Variants in PREX2 observed in about 807,000 individuals in gnomAD.
The protein encoded by PREX2 is phosphatidylinositol-3,4,5-trisphosphate dependent Rac exchange factor 2.
Under a neutral mutation model 203.2 loss-of-function variants are expected in PREX2, and 107 were observed. That is an observed-to-expected ratio of 0.53 (90% CI 0.45 to 0.62). The LOEUF (loss-of-function observed/expected upper bound fraction) is 0.62. Among genes scored for constraint, PREX2 ranks in the 20% least tolerant of loss-of-function variants. The probability of loss-of-function intolerance (pLI) is 0.00; values close to 1 mark genes in which losing one functional copy is unlikely to be tolerated. For synonymous variants in PREX2, 672 were observed against 663.6 expected (o/e 1.01, Z -0.19); for missense variants, 1,777 against 1,955.9 (o/e 0.91, Z 1.72).
At position 68,045,114 on chromosome 8, in the gene PREX2, A is replaced by C. The variant is rs559016894; in HGVS notation, c.943+524A>C. 5.3e-5 allele frequency among the ~76,000 whole-genome samples: 8 copies of C among 152,228 alleles called. No homozygotes were observed. The South Asian group carries it at 1.2e-3, about 24-fold the overall frequency. ...TTTAAATATCTTATTACTCAAAGGTAGTAACTTTTTGCTTCATAGATTTGA... is the reference window on the plus strand; with the variant it reads ...TTTAAATATCTTATTACTCAAAGGTCGTAACTTTTTGCTTCATAGATTTGA... On this transcript the variant is annotated intron_variant, in intron 8 of 39. Coordinates refer to ENST00000288368, the MANE Select transcript of PREX2 (RefSeq NM_024870.4).
At chr8:68,100,656 T>G (rs2129612593) in intron 23 of PREX2, among the ~76,000 whole-genome samples, 1 of 152,324 alleles carries the variant, frequency 6.6e-6, no homozygotes, top group Non-Finnish European at 1.5e-5. Context: ...GTGGCCGGGC[T>G]TAAGGTCAGA....
chr8:68,078,302 A>G (rs1460805425), intron 15 of PREX2, among the ~76,000 whole-genome samples: 8 of 152,082 alleles, frequency 5.3e-5, no homozygotes, highest in Non-Finnish European at 1.2e-4. Flanking sequence ...AGTAGCTGGG[A>G]CTACAAGTGC....
chr8:67,966,451 A>G (rs1474404994), intron 1 of PREX2, among the ~76,000 whole-genome samples: 3 of 151,566 alleles, frequency 2.0e-5, no homozygotes, highest in East Asian at 1.9e-4. Flanking sequence ...TCCAAATAAT[A>G]CAGAACTAAA....
intron 4 of PREX2, among the ~76,000 whole-genome samples, chr8:68,024,967 G>A (rs550939470): frequency 6.6e-6 from 1 of 151,870 alleles, no homozygotes; most frequent in East Asian, 1.9e-4. Flanking sequence ...CCTCTACTGT[G>A]CTATTATTGC....
intron 14 of PREX2, among the ~76,000 whole-genome samples, chr8:68,072,862 T>G (rs916624513): frequency 6.6e-6 from 1 of 152,206 alleles, no homozygotes; most frequent in African/African-American, 2.4e-5. Flanking sequence ...CTATGCTCAT[T>G]TACTAAAATA....
intron 37 of PREX2, among the ~76,000 whole-genome samples, chr8:68,206,789 C>G (rs1812634265): frequency 2.0e-5 from 3 of 152,194 alleles, no homozygotes; most frequent in African/African-American, 7.2e-5. Context: ...CTACCCCAGC[C>G]TGGGAGACCC....
chr8:68,092,566 A>C (rs1437605677), intron 20 of PREX2, among the ~76,000 whole-genome samples: 1 of 152,114 alleles, frequency 6.6e-6, no homozygotes, highest in Admixed American at 6.6e-5. Context: ...ACTGCTGTTA[A>C]AATATAGGAT....
chr8:68,189,836 A>T (rs567016496), intron 35 of PREX2, among the ~76,000 whole-genome samples: 9 of 152,186 alleles, frequency 5.9e-5, no homozygotes, highest in Non-Finnish European at 1.3e-4. Context: ...CCAATCTTGG[A>T]TGCTGAGTTG....
chr8:68,128,711 A>G (rs559358510), intron 31 of PREX2, among the ~76,000 whole-genome samples: 3 of 152,284 alleles, frequency 2.0e-5, no homozygotes, highest in Non-Finnish European at 2.9e-5. Flanking sequence ...GCCACCTTCT[A>G]CTGGCCCCAG....
At chr8:68,000,517 A>C (rs937418728) in intron 1 of PREX2, among the ~76,000 whole-genome samples, 1 of 152,238 alleles carries the variant, frequency 6.6e-6, no homozygotes, top group African/African-American at 2.4e-5. Flanking sequence ...AAACGTCCAT[A>C]CTGCCCAAAA....
chr8:68,051,428 A>G (rs1260344014), intron 8 of PREX2, among the ~76,000 whole-genome samples: 1 of 152,144 alleles, frequency 6.6e-6, no homozygotes, highest in Non-Finnish European at 1.5e-5. Context: ...AACAGAGAGA[A>G]GACAGCCTGA....
chr8:68,022,172 GA>G (rs772786466), intron 4 of PREX2, 32 bp downstream of exon 4: 1 of 1,048,488 alleles, frequency 9.5e-7, no homozygotes, highest in East Asian at 2.4e-5. Context: ...ACTGTATGTT[GA>G]TATGTGTTGC....
intron 1 of PREX2, among the ~76,000 whole-genome samples, chr8:67,963,651 C>T (rs1014681106): frequency 2.6e-5 from 4 of 151,724 alleles, no homozygotes; most frequent in African/African-American, 7.3e-5. Context: ...TTAGTTTTTC[C>T]TTTAGAAAAA....
intron 14 of PREX2, among the ~76,000 whole-genome samples, chr8:68,074,268 A>AT: frequency 6.6e-6 from 1 of 151,318 alleles, no homozygotes; most frequent in African/African-American, 2.4e-5. Context: ...CCCAGCCGCA[A>AT]TTTTTTTTTC....
chr8:68,097,066 G>A lies in PREX2; in HGVS notation c.2418G>A (p.Glu806=). ...NTMAIIDGKK[E]HVSLTVDNVH... Reference sequence around the variant, plus strand: ...TGGCCATCATTGATGGGAAGAAGGAGCATGTGAGTCTGACAGTGGACAATG... The same window carrying A: ...TGGCCATCATTGATGGGAAGAAGGAACATGTGAGTCTGACAGTGGACAATG... Residue 806 remains glutamate (E), a synonymous_variant, in exon 22 of 40, where the codon GAG becomes GAA. Coordinates refer to ENST00000288368, the MANE Select transcript of PREX2 (RefSeq NM_024870.4). 1 of 1,613,958 alleles carries A rather than the reference G, an allele frequency of 6.2e-7. No individual in the cohort carries two copies. Among genetic ancestry groups the A allele is most frequent in the African/African-American group, 1.3e-5 (1 of 75,030 alleles).
At chr8:68,213,904 A>G (rs1439013542) in intron 37 of PREX2, among the ~76,000 whole-genome samples, 1 of 152,044 alleles carries the variant, frequency 6.6e-6, no homozygotes, top group African/African-American at 2.4e-5. Flanking sequence ...GACAAATACT[A>G]CTCTGTGACA....
chr8:68,048,313 G>A lies in PREX2; in HGVS notation c.943+3723G>A, dbSNP rs535826076. ...ATAGTGCATGACTGGAAAGCCATTC[G>A]GAAAGTAGTATCAGATCATTAGTAT... On this transcript the variant is annotated intron_variant, in intron 8 of 39. Transcript: ENST00000288368. 9.9e-5 allele frequency among the ~76,000 whole-genome samples: 15 copies of A among 152,128 alleles called. No individual in the cohort carries two copies. The South Asian group carries it at 2.5e-3, about 25-fold the overall frequency.
chr8:67,992,436 G>A (rs187633738), intron 1 of PREX2, among the ~76,000 whole-genome samples: 5 of 152,238 alleles, frequency 3.3e-5, no homozygotes, highest in African/African-American at 9.6e-5. Context: ...CATTCAACAA[G>A]CATTTAGGCT....
chr8:68,231,283 G>GTAAT, intron 39 of PREX2, 50 bp from the exon 40 acceptor site: 1 of 1,389,294 alleles, frequency 7.2e-7, no homozygotes, highest in Middle Eastern at 1.9e-4. Context: ...GACACCTCAT[G>GTAAT]TAATGGTAAT....
Sources: gnomAD v4.1 joint callset for allele counts (sites outside exome capture counted in the v4.1 genomes callset) on GRCh38, gnomAD v4.1.1 for gene constraint, MANE v1.5 for transcripts, NCBI Gene and HGNC (gene_info 2026-07-23, HGNC 2026-07-21) for gene names.